The following PLCL1 variants were observed in gnomAD, a reference collection of about 807,000 sequenced individuals.
The protein encoded by PLCL1 is phospholipase C like 1 (inactive).
In PLCL1, 41 loss-of-function variants were observed where a neutral mutation model predicts 84.4. That is an observed-to-expected ratio of 0.49 (90% CI 0.38 to 0.63). PLCL1 has a LOEUF of 0.63. Among genes scored for constraint, PLCL1 ranks in the 30% least tolerant of loss-of-function variants. The pLI, the probability that PLCL1 is intolerant of heterozygous loss-of-function variation, is 0.00. For synonymous variants in PLCL1, 490 were observed against 488.3 expected (o/e 1.00, Z -0.05); for missense variants, 1,206 against 1,367.8 (o/e 0.88, Z 1.87).
At chr2:197,968,589 T>C (rs1689795820) in intron 1 of PLCL1, among the ~76,000 whole-genome samples, 2 of 152,230 alleles carry the variant, frequency 1.3e-5, no homozygotes, top group Non-Finnish European at 2.9e-5. Context: ...CAGTATACCA[T>C]GGTGCTAACT....
At chr2:197,977,536 C>T (rs960656704) in intron 1 of PLCL1, among the ~76,000 whole-genome samples, 1 of 152,210 alleles carries the variant, frequency 6.6e-6, no homozygotes, top group African/African-American at 2.4e-5. Flanking sequence ...TCAAGCCCCA[C>T]CTACTTGTTT....
intron 1 of PLCL1, among the ~76,000 whole-genome samples, chr2:197,973,272 G>A (rs1027201477): frequency 3.3e-5 from 5 of 152,168 alleles, no homozygotes; most frequent in African/African-American, 1.2e-4. Flanking sequence ...TTTCCTTATG[G>A]GCTTGGGAGC....
At chr2:197,871,117 G>A (rs898628283) in intron 1 of PLCL1, among the ~76,000 whole-genome samples, 1 of 152,028 alleles carries the variant, frequency 6.6e-6, no homozygotes, top group Non-Finnish European at 1.5e-5. Context: ...CCTCAAGCAG[G>A]AATGAGAGGT....
At chr2:198,003,419 C>G (rs1364846319) in intron 1 of PLCL1, among the ~76,000 whole-genome samples, 1 of 152,098 alleles carries the variant, frequency 6.6e-6, no homozygotes, top group Non-Finnish European at 1.5e-5. Flanking sequence ...CTTATGGAAC[C>G]CAGGCATGAA....
At chr2:198,059,330 G>A (rs890323727) in intron 1 of PLCL1, among the ~76,000 whole-genome samples, 5 of 152,148 alleles carry the variant, frequency 3.3e-5, no homozygotes, top group African/African-American at 1.2e-4. Context: ...TAAATTTGAT[G>A]TATCTCATTA....
At chr2:197,834,954 G>T (rs1320486355) in intron 1 of PLCL1, among the ~76,000 whole-genome samples, 1 of 152,178 alleles carries the variant, frequency 6.6e-6, no homozygotes. Flanking sequence ...GTATACCATG[G>T]AATACTATGT....
At chr2:197,877,200 G>A (rs1362572075) in intron 1 of PLCL1, among the ~76,000 whole-genome samples, 1 of 152,090 alleles carries the variant, frequency 6.6e-6, no homozygotes, top group Non-Finnish European at 1.5e-5. Flanking sequence ...CACTAAGGTG[G>A]TTCTCTAAAA....
chr2:197,884,718 A>G (rs1423296820), intron 1 of PLCL1, among the ~76,000 whole-genome samples: 2 of 152,154 alleles, frequency 1.3e-5, no homozygotes, highest in African/African-American at 4.8e-5. Context: ...CCACAATTCT[A>G]AAATACATCC....
chr2:197,904,319 T>C (rs1688334264), intron 1 of PLCL1, among the ~76,000 whole-genome samples: 1 of 152,184 alleles, frequency 6.6e-6, no homozygotes, highest in Non-Finnish European at 1.5e-5. Flanking sequence ...TAACTGAATT[T>C]TGGGTTCTTT....
At chr2:197,863,065 G>A (rs1187364569) in intron 1 of PLCL1, among the ~76,000 whole-genome samples, 1 of 151,924 alleles carries the variant, frequency 6.6e-6, no homozygotes, top group Non-Finnish European at 1.5e-5. Context: ...TGTTAGAAAA[G>A]GATATTTTAG....
intron 1 of PLCL1, among the ~76,000 whole-genome samples, chr2:197,946,634 C>G (rs112517078): frequency 0.017 from 2,627 of 152,226 alleles, 80 homozygotes; most frequent in African/African-American, 0.061. Flanking sequence ...GCAGGATTGT[C>G]TTGACCTTTG....
Position 198,149,309 on chromosome 2 carries a change from TG to T in PLCL1, c.*2348del. 6.6e-6 allele frequency: 1 copy of T among 152,468 alleles called. No individual in the cohort carries two copies. The highest frequency in any genetic ancestry group is 2.1e-4 in the South Asian group (1 of 4,826). 9.4% of individuals were successfully genotyped at this position (152,468 alleles called of 1,614,324 possible). A position where few individuals can be genotyped will look rare whatever the true frequency, so the allele number is the denominator to read the frequency against. On this transcript the variant is annotated 3_prime_UTR_variant, in exon 6 of 6. Transcript: ENST00000428675. ...TCTTCTATCTACTTAGATTTGGTGA[TG>T]CTAGGAATGTAGTGTTTTAGATATT... is the stretch of plus-strand genomic sequence containing the variant.
At chr2:198,121,085 T>C (rs1399611159) in intron 5 of PLCL1, among the ~76,000 whole-genome samples, 1 of 152,112 alleles carries the variant, frequency 6.6e-6, no homozygotes, top group Non-Finnish European at 1.5e-5. Flanking sequence ...TTGAATACCT[T>C]TCCATATGCC....
chr2:197,881,745 C>G (rs1302283671), intron 1 of PLCL1, among the ~76,000 whole-genome samples: 1 of 151,996 alleles, frequency 6.6e-6, no homozygotes, highest in Non-Finnish European at 1.5e-5. Flanking sequence ...TTTTAAAAAA[C>G]TTTTTATTAT....
chr2:198,064,157 T>A (rs995808095), intron 1 of PLCL1, among the ~76,000 whole-genome samples: 1 of 152,168 alleles, frequency 6.6e-6, no homozygotes, highest in South Asian at 2.1e-4. Context: ...AACCTGTGAA[T>A]AAGAAAGTTC....
chr2:198,113,885 C>T (rs560595311), intron 5 of PLCL1, among the ~76,000 whole-genome samples: 9 of 151,618 alleles, frequency 5.9e-5, no homozygotes, highest in South Asian at 2.1e-4. Context: ...TAATCTGCAG[C>T]GAAGTTTTAT....
At chr2:198,072,694 G>A (rs1418499152) in intron 1 of PLCL1, among the ~76,000 whole-genome samples, 4 of 151,850 alleles carry the variant, frequency 2.6e-5, no homozygotes, top group African/African-American at 9.7e-5. Flanking sequence ...AATTGATACT[G>A]TATTTTGTCA....
At chr2:198,130,874 C>T (rs528220034) in intron 5 of PLCL1, among the ~76,000 whole-genome samples, 13 of 152,246 alleles carry the variant, frequency 8.5e-5, no homozygotes, top group African/African-American at 2.9e-4. Context: ...CTATCCTTTT[C>T]CCACTCCATA....
intron 1 of PLCL1, among the ~76,000 whole-genome samples, chr2:197,877,066 G>C (rs1687747928): frequency 6.6e-6 from 1 of 152,016 alleles, no homozygotes; most frequent in Admixed American, 6.6e-5. Flanking sequence ...CAGAGGTCAG[G>C]CCTAACCAAA....
Sources: allele counts gnomAD v4.1 joint callset (sites outside exome capture counted in the v4.1 genomes callset), GRCh38; gene constraint gnomAD v4.1.1; transcripts MANE v1.5; gene names NCBI Gene and HGNC (gene_info 2026-07-23, HGNC 2026-07-21).